Variants in RNF183 observed in about 807,000 individuals in gnomAD.
The protein encoded by RNF183 is ring finger protein 183.
RNF183 carries 4 observed loss-of-function variants against 9.0 expected under a neutral mutation model. The ratio of observed to expected loss-of-function variants is 0.44; its 90% confidence interval spans 0.22 to 1.01. The LOEUF is 1.01. Among genes scored for constraint, RNF183 ranks in the 50% least tolerant of loss-of-function variants. The pLI, the probability that RNF183 is intolerant of heterozygous loss-of-function variation, is 0.25. For synonymous variants in RNF183, 102 were observed against 107.5 expected, an observed-to-expected ratio of 0.95 and a Z score of 0.32; for missense variants, 227 against 253.6, an observed-to-expected ratio of 0.89 and a Z score of 0.71.
In RNF183 at chr9:113,297,669, A is replaced by G; in HGVS notation, c.516T>C (p.Ser172=). The stretch of plus-strand genomic sequence containing the variant: ...TGGAGAATATGAGCAACAGAGTGAC[A>G]CTGAGGATGACGGCCATCAGGTAGG... ...IFAYLMAVIL[S]VTLLLIFSIF... is the part of the protein sequence containing the mutation. The change falls in exon 5 of 5, where the codon AGT becomes AGC. Residue 172 remains serine, a synonymous_variant. Transcript: ENST00000489339. 1 of 1,613,814 alleles carries G rather than the reference A, an allele frequency of 6.2e-7. No homozygotes were observed. The highest frequency in any genetic ancestry group is 1.3e-5 in the African/African-American group (1 of 75,030).
chr9:113,302,143 G>A (rs1448083197), intron 2 of RNF183, 52 bp downstream of exon 2: 1 of 150,168 alleles, frequency 6.7e-6, no homozygotes, highest in Admixed American at 6.7e-5. Context: ...CATCCAGTAA[G>A]CTTGTATTAC....
rs191748413 is a variant in RNF183 at position 113,298,619 on chromosome 9, C to T, written c.-37-398G>A. On this transcript the variant is annotated intron_variant, in intron 4 of 4. Coordinates refer to ENST00000489339, the MANE Select transcript of RNF183 (RefSeq NM_001371237.1). This position sits in a 1 kb window ranked among gnomAD's most constrained non-coding sequence, Gnocchi z 4.9. ...ACAAATGTTTCCTTCCCTGCTACCT[C>T]AAATCCCTGACTAGCGCAGAGATGG... 41 of 177,118 alleles carry T rather than the reference C, an allele frequency of 2.3e-4. 2 individuals carry two copies. The Middle Eastern group carries it at 0.018, about 78-fold the overall frequency. 11.0% of individuals were successfully genotyped at this position (177,118 alleles called of 1,614,324 possible).
chr9:113,297,744 G>C lies in RNF183; in HGVS notation c.441C>G (p.Ser147Arg). ...ATVSTPILIP[S>R]HHSLRECFRN... is the part of the protein sequence containing the mutation. ...GGAAACACTCCCTCAAAGAGTGGTG[G>C]CTGGGGATGAGGATGGGCGTAGACA... Residue 147 changes from serine (S) to arginine (R), a missense_variant, in exon 5 of 5, where the codon AGC (serine) becomes AGG (arginine). Ser to Arg is a moderately radical substitution (Grantham distance 110). Coordinates refer to ENST00000489339, the MANE Select transcript of RNF183 (RefSeq NM_001371237.1). 6.2e-7 allele frequency: 1 copy of C among 1,614,154 alleles called. No homozygotes were observed. The highest frequency in any genetic ancestry group is 1.7e-5 in the Admixed American group (1 of 60,022).
intron 3 of RNF183, among the ~76,000 whole-genome samples, chr9:113,300,477 G>A (rs1372939429): frequency 2.6e-5 from 4 of 152,146 alleles, no homozygotes; most frequent in African/African-American, 4.8e-5. Flanking sequence ...GTTAATAAAG[G>A]GCAAAAAGGA....
At position 113,298,130 on chromosome 9, in the gene RNF183, G is replaced by T. The variant is rs992653173; in HGVS notation, c.55C>A (p.Pro19Thr). The change falls in exon 5 of 5, where the codon CCC becomes ACC. Residue 19 changes from proline to threonine, a missense_variant. Pro to Thr is a conservative substitution (Grantham distance 38). Coordinates refer to ENST00000489339, the MANE Select transcript of RNF183 (RefSeq NM_001371237.1). This position sits in a 1 kb window ranked among gnomAD's most constrained non-coding sequence, Gnocchi z 4.9. ...LEAECPVCWN[P>T]FNNTFHTPKM... ...GGGGTATGGAACGTGTTGTTGAAGG[G>T]GTTCCAGCAGACGGGGCACTCAGCC... 1.2e-6 allele frequency: 2 copies of T among 1,614,016 alleles called. No individual in the cohort carries two copies. Among genetic ancestry groups the T allele is most frequent in the Non-Finnish European group, 1.7e-6 (2 of 1,179,988 alleles).
intron 3 of RNF183, among the ~76,000 whole-genome samples, chr9:113,300,959 G>A (rs1832899723): frequency 6.6e-6 from 1 of 152,176 alleles, no homozygotes; most frequent in African/African-American, 2.4e-5. Context: ...TGGCAGAGGA[G>A]ATAAAAGGGG....
intron 3 of RNF183, among the ~76,000 whole-genome samples, chr9:113,301,409 C>A (rs114247456): frequency 6.6e-6 from 1 of 152,108 alleles, no homozygotes; most frequent in Admixed American, 6.5e-5. Context: ...ATGATAATTG[C>A]GTGTGTCTTT....
In RNF183 at chr9:113,302,769, T is replaced by C. The variant is rs192657316; in HGVS notation, c.-441+287A>G. Reference sequence around the variant, plus strand: ...TCATCCCACTCCTACAAGGTTGCTCTGGGGAAGGAATAGTCTATACGGTGC... The same window carrying C: ...TCATCCCACTCCTACAAGGTTGCTCCGGGGAAGGAATAGTCTATACGGTGC... On this transcript the variant is annotated intron_variant, in intron 1 of 4. Transcript: ENST00000489339. Among the ~76,000 whole-genome samples the C allele has an allele frequency of 1.9e-4, 29 of 152,342 alleles. No homozygotes were observed. The East Asian group carries it at 5.4e-3, about 28-fold the overall frequency.
At chr9:113,302,446 C>G (rs1832945580) in intron 1 of RNF183, 133 bp from the exon 2 acceptor site, 2 of 152,216 alleles carry the variant, frequency 1.3e-5, no homozygotes, top group African/African-American at 4.8e-5. Context: ...CAATTGTCCC[C>G]AGCATCACTC....
chr9:113,298,015 G>A lies in RNF183; in HGVS notation c.170C>T (p.Pro57Leu), dbSNP rs900062554. ...CAGCACTGTGGGCTGGCGACAGAGT[G>A]GGCACAGCAGGCGGCGCCGGGCTGG... ...VTPARRRLLC[P>L]LCRQPTVLAS... Residue 57 changes from proline to leucine, a missense_variant, in exon 5 of 5, where the codon CCA (proline) becomes CTA (leucine). Transcript: ENST00000489339. The surrounding 1 kb of genome is among the most constrained non-coding windows in gnomAD (Gnocchi z 4.9). 1.2e-6 allele frequency: 2 copies of A among 1,614,004 alleles called. No homozygotes were observed. Among genetic ancestry groups the A allele is most frequent in the Middle Eastern group, 1.6e-4 (1 of 6,062 alleles).
At chr9:113,300,222 C>A (rs1377650684) in intron 3 of RNF183, among the ~76,000 whole-genome samples, 7 of 152,190 alleles carry the variant, frequency 4.6e-5, no homozygotes, top group African/African-American at 1.7e-4. Context: ...TGAAGATATG[C>A]AGAGGGAGAT....
In RNF183 at chr9:113,297,906, CA is replaced by C. The variant is rs774189800; in HGVS notation, c.278del (p.Leu93ArgfsTer59). ...CCTTGAGGCACAGCTGATGGCCTTC[CA>C]GGATGACATGGTGGGGCTCCAGGCG... ...LLRLEPHHVI[L>X]EGHQLCLKDQ... On this transcript the variant is annotated frameshift_variant, in exon 5 of 5. Coordinates refer to ENST00000489339, the MANE Select transcript of RNF183 (RefSeq NM_001371237.1). LOFTEE classifies it high-confidence loss of function. 1.1e-5 allele frequency: 17 copies of C among 1,613,822 alleles called. No individual in the cohort carries two copies. The East Asian group carries it at 3.3e-4, about 32-fold the overall frequency.
chr9:113,300,545 G>C (rs552291227), intron 3 of RNF183, among the ~76,000 whole-genome samples: 5 of 152,324 alleles, frequency 3.3e-5, no homozygotes, highest in African/African-American at 1.2e-4. Context: ...GAAGGTTTCT[G>C]CAAAGAGATG....
chr9:113,301,983 A>T (rs1832931548), intron 2 of RNF183: 1 of 152,138 alleles, frequency 6.6e-6, no homozygotes. Context: ...CCATATTACC[A>T]TATAATCCAA....
At chr9:113,299,388 GGCCCTC>G (rs1418068686) in intron 4 of RNF183, 178 bp downstream of exon 4, 1 of 152,190 alleles carries the variant, frequency 6.6e-6, no homozygotes, top group Non-Finnish European at 1.5e-5. Context: ...CTCTCTCTGG[GGCCCTC>G]ATTTCTCTTC....
chr9:113,298,192 C>CT lies in RNF183; in HGVS notation c.-9_-8insA, dbSNP rs1832800580. ...GCCCTGCTGCTCAGCCATCCTCAGC[C>CT]ACACACGGGGAGGCTTCGCGGGAGA... On this transcript the variant is annotated 5_prime_UTR_variant, in exon 5 of 5. Coordinates refer to ENST00000489339, the MANE Select transcript of RNF183 (RefSeq NM_001371237.1). The surrounding 1 kb of genome is among the most constrained non-coding windows in gnomAD (Gnocchi z 4.9). 2 of 1,606,710 alleles carry CT rather than the reference C, an allele frequency of 1.2e-6. No homozygotes were observed. Among genetic ancestry groups the CT allele is most frequent in the African/African-American group, 2.7e-5 (2 of 74,994 alleles).
chr9:113,297,566 G>C lies in RNF183; in HGVS notation c.*40C>G, dbSNP rs372280481. ...GGCTCCGTAGTCACCATACCCAGCA[G>C]CAACCGAAAAAGGTTTGGTTTCTTG... On this transcript the variant is annotated 3_prime_UTR_variant, in exon 5 of 5. Coordinates refer to ENST00000489339, the MANE Select transcript of RNF183 (RefSeq NM_001371237.1). The C allele has an allele frequency of 1.6e-4, 222 of 1,412,010 alleles. No homozygotes were observed. Among genetic ancestry groups the C allele is most frequent in the Non-Finnish European group, 2.0e-4 (206 of 1,030,746 alleles). The allele number at this position is 1,412,010 out of a possible 1,614,324, so 87.5% of individuals were successfully genotyped here.
intron 1 of RNF183, among the ~76,000 whole-genome samples, chr9:113,302,571 G>A (rs1229096644): frequency 1.3e-5 from 2 of 152,138 alleles, no homozygotes; most frequent in Non-Finnish European, 2.9e-5. Flanking sequence ...CTAGCCTTTT[G>A]GGATTTTTTG....
chr9:113,297,816 C>T lies in RNF183; in HGVS notation c.369G>A (p.Gln123=). The change falls in exon 5 of 5, where the codon CAG becomes CAA. Residue 123 remains glutamine, a synonymous_variant. Coordinates refer to ENST00000489339, the MANE Select transcript of RNF183 (RefSeq NM_001371237.1). The part of the protein sequence containing the change: ...PQVYTLDLGP[Q]PGGQTGPPPD... ...GGGGCGGCCCAGTCTGGCCCCCAGGCTGGGGGCCAAGGTCCAGCGTGTAGA... is the reference window on the plus strand; with the variant it reads ...GGGGCGGCCCAGTCTGGCCCCCAGGTTGGGGGCCAAGGTCCAGCGTGTAGA... 6.2e-7 allele frequency: 1 copy of T among 1,610,020 alleles called. No homozygotes were observed. The highest frequency in any genetic ancestry group is 8.5e-7 in the Non-Finnish European group (1 of 1,177,894).
Sources: gnomAD v4.1 joint callset for allele counts (sites outside exome capture counted in the v4.1 genomes callset) on GRCh38, gnomAD v4.1.1 for gene constraint, Gnocchi (gnomAD v3.1) non-coding constraint, MANE v1.5 for transcripts, NCBI Gene and HGNC (gene_info 2026-07-23, HGNC 2026-07-21) for gene names.